ACSS3: variants seen among roughly 807,000 people sequenced by gnomAD.
ACSS3 encodes the protein acyl-CoA synthetase short chain family member 3.
ACSS3 carries 64 observed loss-of-function variants against 84.2 expected under a neutral mutation model. The observed-to-expected ratio is 0.76, with a 90% CI of 0.62 to 0.94. The LOEUF is 0.94. Ranked by LOEUF, ACSS3 falls within the 40% of genes least tolerant of loss-of-function variation. The pLI is 0.00. For synonymous variants in ACSS3, 317 were observed against 310.1 expected (o/e 1.02, Z -0.23); for missense variants, 815 against 867.6 (o/e 0.94, Z 0.76).
At chr12:81,132,087 T>C (rs985160611) in intron 2 of ACSS3, among the ~76,000 whole-genome samples, 1 of 152,204 alleles carries the variant, frequency 6.6e-6, no homozygotes, top group African/African-American at 2.4e-5. Context: ...TCTAAAATTC[T>C]CTTTTTTTGT....
intron 2 of ACSS3, among the ~76,000 whole-genome samples, chr12:81,109,976 CT>C (rs1276602439): frequency 6.6e-6 from 1 of 152,150 alleles, no homozygotes. Context: ...TTCCTCTGGT[CT>C]TTACTCTTCA....
At chr12:81,083,451 C>T (rs1222832337) in intron 1 of ACSS3, among the ~76,000 whole-genome samples, 1 of 151,456 alleles carries the variant, frequency 6.6e-6, no homozygotes, top group African/African-American at 2.4e-5. Context: ...TCCATCTCCC[C>T]GCTTCAACCA....
chr12:81,231,787 A>G (rs951656871), intron 12 of ACSS3, among the ~76,000 whole-genome samples: 1 of 151,742 alleles, frequency 6.6e-6, no homozygotes, highest in African/African-American at 2.4e-5. Flanking sequence ...GATGTGTGTT[A>G]TGTTTATAAC....
chr12:81,247,182 C>G (rs544504030), intron 13 of ACSS3, among the ~76,000 whole-genome samples: 10 of 152,052 alleles, frequency 6.6e-5, no homozygotes, highest in Non-Finnish European at 1.0e-4. Flanking sequence ...GGTGTGTTGG[C>G]AAAAGATGGT....
Position 81,254,970 on chromosome 12 carries a change from A to AATT in ACSS3, c.*50_*52dup. 7.1e-7 allele frequency: 1 copy of AATT among 1,412,628 alleles called. No homozygotes were observed. Among genetic ancestry groups the AATT allele is most frequent in the Non-Finnish European group, 9.7e-7 (1 of 1,035,084 alleles). The allele number at this position is 1,412,628 out of a possible 1,614,324, so 87.5% of individuals were successfully genotyped here. On this transcript the variant is annotated 3_prime_UTR_variant, in exon 16 of 16. Coordinates refer to ENST00000548058, the MANE Select transcript of ACSS3 (RefSeq NM_024560.4). ...TGAGTTGATTTAATTTCTTAATTGA[A>AATT]ATTAAATTATTTGAGTTGTTTCTCA...
intron 2 of ACSS3, among the ~76,000 whole-genome samples, chr12:81,113,980 A>AT (rs1883821919): frequency 6.6e-6 from 1 of 152,070 alleles, no homozygotes; most frequent in South Asian, 2.1e-4. Flanking sequence ...TGTATATCTT[A>AT]TATATATAGT....
chr12:81,139,718 C>T (rs1016077867), intron 4 of ACSS3, among the ~76,000 whole-genome samples: 1 of 151,164 alleles, frequency 6.6e-6, no homozygotes, highest in Non-Finnish European at 1.5e-5. Flanking sequence ...TCATTGCAAG[C>T]TCCGCCCCCT....
intron 10 of ACSS3, 29 bp downstream of exon 10, chr12:81,217,025 G>C: frequency 6.3e-7 from 1 of 1,575,350 alleles, no homozygotes; most frequent in African/African-American, 1.4e-5. Context: ...AATACGTAAA[G>C]TTAATAAATT....
intron 13 of ACSS3, among the ~76,000 whole-genome samples, chr12:81,250,580 A>T (rs1373567556): frequency 1.3e-5 from 2 of 152,122 alleles, no homozygotes; most frequent in Non-Finnish European, 1.5e-5. Flanking sequence ...AACAAAGTGA[A>T]AGAGTGGCAG....
At chr12:81,225,761 G>C (rs1401137203) in intron 11 of ACSS3, among the ~76,000 whole-genome samples, 1 of 151,892 alleles carries the variant, frequency 6.6e-6, no homozygotes, top group East Asian at 1.9e-4. Flanking sequence ...TTATATCCTT[G>C]TATCGTTAAT....
intron 3 of ACSS3, among the ~76,000 whole-genome samples, chr12:81,135,826 C>G (rs1375470332): frequency 1.3e-5 from 2 of 152,068 alleles, no homozygotes; most frequent in Non-Finnish European, 2.9e-5. Flanking sequence ...GTTAATCACA[C>G]ATTTGTTTTA....
At chr12:81,236,735 T>C (rs2033641159) in intron 13 of ACSS3, among the ~76,000 whole-genome samples, 1 of 151,502 alleles carries the variant, frequency 6.6e-6, no homozygotes, top group Non-Finnish European at 1.5e-5. Flanking sequence ...TTTTAACTTA[T>C]TTTGGTTCTT....
chr12:81,245,754 C>T (rs761462352), intron 13 of ACSS3, among the ~76,000 whole-genome samples: 8 of 152,128 alleles, frequency 5.3e-5, no homozygotes, highest in Non-Finnish European at 8.8e-5. Context: ...TGTGAACTTC[C>T]TCTCTGACAA....
At chr12:81,160,022 C>T (rs973397733) in intron 7 of ACSS3, among the ~76,000 whole-genome samples, 1 of 152,206 alleles carries the variant, frequency 6.6e-6, no homozygotes. Context: ...TAAGCCCAGG[C>T]TTCCACAATG....
intron 15 of ACSS3, among the ~76,000 whole-genome samples, 161 bp from the exon 16 acceptor site, chr12:81,254,696 T>C (rs997600502): frequency 6.6e-6 from 1 of 152,120 alleles, no homozygotes; most frequent in East Asian, 1.9e-4. Flanking sequence ...AAGCTACAGA[T>C]GAGTATTAAT....
chr12:81,228,043 G>A (rs1421210622), intron 11 of ACSS3, among the ~76,000 whole-genome samples: 2 of 151,502 alleles, frequency 1.3e-5, no homozygotes, highest in Admixed American at 1.3e-4. Context: ...AAAGTGAAGA[G>A]CTGAGATTTT....
chr12:81,095,154 G>T (rs1416471808), intron 1 of ACSS3, among the ~76,000 whole-genome samples: 1 of 152,166 alleles, frequency 6.6e-6, no homozygotes, highest in Non-Finnish European at 1.5e-5. Context: ...ATTCTGGATT[G>T]TAGGTCTGGT....
At chr12:81,155,260 A>G (rs1020972886) in intron 7 of ACSS3, among the ~76,000 whole-genome samples, 2 of 152,192 alleles carry the variant, frequency 1.3e-5, no homozygotes, top group African/African-American at 4.8e-5. Flanking sequence ...CCTTAACATT[A>G]GAGTTTAGCA....
intron 8 of ACSS3, among the ~76,000 whole-genome samples, chr12:81,188,552 C>T (rs2031399478): frequency 6.6e-6 from 1 of 152,058 alleles, no homozygotes; most frequent in Non-Finnish European, 1.5e-5. Flanking sequence ...TATGCCTTAT[C>T]CTGACCTGTA....
Sources: gnomAD v4.1 joint callset for allele counts (sites outside exome capture counted in the v4.1 genomes callset) on GRCh38, gnomAD v4.1.1 for gene constraint, MANE v1.5 for transcripts, NCBI Gene and HGNC (gene_info 2026-07-23, HGNC 2026-07-21) for gene names.